CACNA1G: variants seen among roughly 807,000 people sequenced by gnomAD.
CACNA1G encodes voltage-dependent T-type calcium channel subunit alpha-1G.
A neutral mutation model predicts 219.4 loss-of-function variants in CACNA1G; 67 were observed. That is an observed-to-expected ratio of 0.31 (90% CI 0.25 to 0.37). The LOEUF is 0.37. Ranked by LOEUF, CACNA1G falls within the 10% of genes least tolerant of loss-of-function variation. CACNA1G has a pLI of 1.00. For missense variants in CACNA1G, 2,380 were observed against 3,231.4 expected, an observed-to-expected ratio of 0.74 and a Z score of 6.39; for synonymous variants, 1,296 against 1,345.3, an observed-to-expected ratio of 0.96 and a Z score of 0.80.
chr17:50,584,935 G>A (rs1315929185), intron 9 of CACNA1G, among the ~76,000 whole-genome samples: 4 of 152,118 alleles, frequency 2.6e-5, no homozygotes, highest in South Asian at 2.1e-4. Flanking sequence ...GTCAGCACAT[G>A]TTCGTGCCTC....
At position 50,599,475 on chromosome 17, in the gene CACNA1G, C is replaced by G; in HGVS notation, c.3306C>G (p.Ser1102Arg). The change falls in exon 17 of 38, where the codon AGC becomes AGG. Residue 1102 changes from serine to arginine, a missense_variant. By Grantham distance (110) the Ser-to-Arg change is moderately radical. Around this residue, in one of 17 missense-constraint regions of CACNA1G, gnomAD observed 418 missense variants for 434.3 expected, o/e 0.96. Coordinates refer to ENST00000359106, the MANE Select transcript of CACNA1G (RefSeq NM_018896.5). ...SPHSPWSAAS[S>R]WTSRRSSRNS... ...ACAGCCCCTGGAGCGCTGCAAGCAGCTGGACCAGCAGGCGCTCCAGCCGGA... is the reference window on the plus strand; with the variant it reads ...ACAGCCCCTGGAGCGCTGCAAGCAGGTGGACCAGCAGGCGCTCCAGCCGGA... 6.3e-7 allele frequency: 1 copy of G among 1,584,574 alleles called. No individual in the cohort carries two copies. The highest frequency in any genetic ancestry group is 8.6e-7 in the Non-Finnish European group (1 of 1,166,580).
Position 50,618,816 on chromosome 17 carries a change from G to GGAGGCCGAGCTA in CACNA1G, c.5595_5606dup (p.Ala1869_Glu1872dup). On this transcript the variant is annotated inframe_insertion, in exon 33 of 38. Coordinates refer to ENST00000359106, the MANE Select transcript of CACNA1G (RefSeq NM_018896.5). The surrounding 1 kb of genome is among the most constrained non-coding windows in gnomAD (Gnocchi z 5.3). ...AGGAGAGCAACAAGGAGGCCAAGGA[G>GGAGGCCGAGCTA]GAGGCCGAGCTAGAGGCTGAGCTGG... 1 of 1,613,954 alleles carries GGAGGCCGAGCTA rather than the reference G, an allele frequency of 6.2e-7. No homozygotes were observed. Among genetic ancestry groups the GGAGGCCGAGCTA allele is most frequent in the Non-Finnish European group, 8.5e-7 (1 of 1,179,890 alleles).
chr17:50,626,950 CAGGCAGAA>C lies in CACNA1G; in HGVS notation c.*200_*207del. The C allele has an allele frequency of 1.4e-6, 1 of 737,376 alleles. No individual in the cohort carries two copies. The highest frequency in any genetic ancestry group is 2.4e-6 in the Non-Finnish European group (1 of 417,370). 45.7% of individuals were successfully genotyped at this position (737,376 alleles called of 1,614,324 possible). ...GCAGCAGCCCCGGCAACTCTGGCTC[CAGGCAGAA>C]GGAGAGGCCCGGTGCAGCTGAGGTT... On this transcript the variant is annotated 3_prime_UTR_variant, in exon 38 of 38. Coordinates refer to ENST00000359106, the MANE Select transcript of CACNA1G (RefSeq NM_018896.5). The surrounding 1 kb of genome is among the most constrained non-coding windows in gnomAD (Gnocchi z 4.3).
chr17:50,613,980 C>T (rs915911918), intron 26 of CACNA1G, among the ~76,000 whole-genome samples: 1 of 152,226 alleles, frequency 6.6e-6, no homozygotes, highest in Non-Finnish European at 1.5e-5. Context: ...AAGATGGCCT[C>T]ATGCATGCCT....
In CACNA1G at chr17:50,618,983, C is replaced by G; in HGVS notation, c.5756C>G (p.Ser1919Cys). The change falls in exon 33 of 38, where the codon TCC becomes TGC. Residue 1919 changes from serine (S) to cysteine (C), a missense_variant. Transcript: ENST00000359106. This position sits in a 1 kb window ranked among gnomAD's most constrained non-coding sequence, Gnocchi z 5.3. ...CCAGCGGCCCACGCGAGATCAGCCT[C>G]CCACTTTTCCCTGGAGCACCCCACG... ...LHPAAHARSA[S>C]HFSLEHPTDR... 1 of 1,536,340 alleles carries G rather than the reference C, an allele frequency of 6.5e-7. No individual in the cohort carries two copies. The highest frequency in any genetic ancestry group is 8.8e-7 in the Non-Finnish European group (1 of 1,142,654).
At chr17:50,604,736 T>TG (rs1366650933) in intron 22 of CACNA1G, among the ~76,000 whole-genome samples, 2 of 152,198 alleles carry the variant, frequency 1.3e-5, no homozygotes, top group Non-Finnish European at 2.9e-5. Context: ...TGGGGGCTGC[T>TG]GGGGAAACTT....
intron 26 of CACNA1G, among the ~76,000 whole-genome samples, chr17:50,611,872 GC>G (rs2049284297): frequency 1.3e-5 from 2 of 152,156 alleles, no homozygotes; most frequent in South Asian, 4.1e-4. Context: ...CGTGACCCTT[GC>G]ACTGCACTCC....
In CACNA1G at chr17:50,572,857, G is replaced by A; in HGVS notation, c.1047+3G>A. ...ATGCCTGGATCGCCATCTTCCAGGT[G>A]GGGCAGCCTGGGCCCCGGGAGCTTC... On this transcript the variant is annotated splice_donor_region_variant and intron_variant, in intron 6 of 37. Transcript: ENST00000359106. The A allele has an allele frequency of 6.2e-7, 1 of 1,610,322 alleles. No homozygotes were observed. Among genetic ancestry groups the A allele is most frequent in the Non-Finnish European group, 8.5e-7 (1 of 1,177,802 alleles).
In CACNA1G at chr17:50,575,761, G is replaced by T; in HGVS notation, c.1359G>T (p.Gln453His). 6.4e-7 allele frequency: 1 copy of T among 1,562,416 alleles called. No homozygotes were observed. Among genetic ancestry groups the T allele is most frequent in the Non-Finnish European group, 8.7e-7 (1 of 1,153,628 alleles). Residue 453 changes from glutamine to histidine, a missense_variant, in exon 8 of 38, where the codon CAG (glutamine) becomes CAT (histidine). Around this residue, in one of 17 missense-constraint regions of CACNA1G, gnomAD observed 434 missense variants for 417.3 expected, o/e 1.04. Transcript: ENST00000359106. ...GTAAGGCAGCCCGCAGGCTGGCTCAGGTCTCTCGGGCAGCAGGTGTGCGGG... is the reference window on the plus strand; with the variant it reads ...GTAAGGCAGCCCGCAGGCTGGCTCATGTCTCTCGGGCAGCAGGTGTGCGGG... ...ILRKAARRLA[Q>H]VSRAAGVRVG...
At chr17:50,614,093 A>G (rs952302884) in intron 26 of CACNA1G, among the ~76,000 whole-genome samples, 4 of 152,144 alleles carry the variant, frequency 2.6e-5, no homozygotes, top group Non-Finnish European at 4.4e-5. Context: ...GCAGCCCACG[A>G]GGCTGGATGT....
chr17:50,615,158 A>AGC (rs2050204388), intron 26 of CACNA1G, among the ~76,000 whole-genome samples: 1 of 152,138 alleles, frequency 6.6e-6, no homozygotes, highest in Non-Finnish European at 1.5e-5. Flanking sequence ...CCTCAACTGC[A>AGC]GCCAGTACAA....
rs1191039685 is a variant in CACNA1G at position 50,578,381 on chromosome 17, G to C, written c.2118G>C (p.Arg706=). ...FTQDAQHSDL[R]DPHSRRQRSL... ...AGGATGCCCAGCACAGCGACCTCCGGGACCCCCACAGCCGGCGGCAACGGA... is the reference window on the plus strand; with the variant it reads ...AGGATGCCCAGCACAGCGACCTCCGCGACCCCCACAGCCGGCGGCAACGGA... The change falls in exon 9 of 38, where the codon CGG becomes CGC. Residue 706 remains arginine (R), a synonymous_variant. Coordinates refer to ENST00000359106, the MANE Select transcript of CACNA1G (RefSeq NM_018896.5). The surrounding 1 kb of genome is among the most constrained non-coding windows in gnomAD (Gnocchi z 4.5). 5 of 1,612,672 alleles carry C rather than the reference G, an allele frequency of 3.1e-6. No individual in the cohort carries two copies. The African/African-American group carries it at 6.7e-5, about 22-fold the overall frequency.
In CACNA1G at chr17:50,618,162, C is replaced by T; in HGVS notation, c.5305+36C>T. On this transcript the variant is annotated intron_variant, in intron 31 of 37. Transcript: ENST00000359106. This position sits in a 1 kb window ranked among gnomAD's most constrained non-coding sequence, Gnocchi z 5.3. ...GTAGGGGAGGGTGGAGGAGCCAGGG[C>T]TGGAGACCAGGGGGCTCCTGGACTA... is the stretch of plus-strand genomic sequence containing the variant. 6.2e-7 allele frequency: 1 copy of T among 1,613,046 alleles called. No individual in the cohort carries two copies. The highest frequency in any genetic ancestry group is 8.5e-7 in the Non-Finnish European group (1 of 1,179,242).
intron 1 of CACNA1G, among the ~76,000 whole-genome samples, chr17:50,564,274 C>A (rs1161897710): frequency 6.6e-6 from 1 of 151,690 alleles, no homozygotes; most frequent in Non-Finnish European, 1.5e-5. Context: ...GCTGGCCTTT[C>A]CAGTATGTGT....
chr17:50,574,210 C>A (rs1176389442), intron 7 of CACNA1G, among the ~76,000 whole-genome samples: 2 of 152,176 alleles, frequency 1.3e-5, no homozygotes, highest in South Asian at 2.1e-4. Context: ...CCCAGGCTAA[C>A]GACTCCACAT....
intron 9 of CACNA1G, among the ~76,000 whole-genome samples, chr17:50,583,131 C>A (rs890559875): frequency 6.6e-6 from 1 of 152,066 alleles, no homozygotes; most frequent in Non-Finnish European, 1.5e-5. Context: ...CTAAATGTGG[C>A]CTTTGAGGGC....
At position 50,578,546 on chromosome 17, in the gene CACNA1G, C is replaced by T. The variant is rs1259181585; in HGVS notation, c.2283C>T (p.Gly761=). Residue 761 remains glycine (G), a synonymous_variant, in exon 9 of 38, where the codon GGC becomes GGT. Transcript: ENST00000359106. This position sits in a 1 kb window ranked among gnomAD's most constrained non-coding sequence, Gnocchi z 4.5. ...TCCTGGTCAACACACTCAGCATGGG[C>T]ATCGAATACCACGAGCAGGTAGGAG... The part of the protein sequence containing the change: ...IAILVNTLSM[G]IEYHEQPEEL... The T allele has an allele frequency of 1.3e-6, 2 of 1,560,010 alleles. No homozygotes were observed. Among genetic ancestry groups the T allele is most frequent in the Middle Eastern group, 1.7e-4 (1 of 5,772 alleles).
chr17:50,575,763 T>G lies in CACNA1G; in HGVS notation c.1361T>G (p.Val454Gly), dbSNP rs754390716. 1 of 1,561,718 alleles carries G rather than the reference T, an allele frequency of 6.4e-7. No individual in the cohort carries two copies. The highest frequency in any genetic ancestry group is 1.2e-5 in the South Asian group (1 of 85,052). The change falls in exon 8 of 38, where the codon GTC (valine) becomes GGC (glycine). Residue 454 changes from valine (V) to glycine (G), a missense_variant. Val to Gly is a moderately radical substitution (Grantham distance 109). Transcript: ENST00000359106. The stretch of plus-strand genomic sequence containing the variant: ...AAGGCAGCCCGCAGGCTGGCTCAGG[T>G]CTCTCGGGCAGCAGGTGTGCGGGTT... ...LRKAARRLAQ[V>G]SRAAGVRVGL...
chr17:50,619,426 C>A (rs1292659484), intron 33 of CACNA1G, among the ~76,000 whole-genome samples: 1 of 152,132 alleles, frequency 6.6e-6, no homozygotes, highest in African/African-American at 2.4e-5. Context: ...CTCTCTCCCC[C>A]CGCCGTGGGC....
Sources: gnomAD v4.1 joint callset for allele counts (sites outside exome capture counted in the v4.1 genomes callset) on GRCh38, gnomAD v4.1.1 for gene constraint, gnomAD v4.1.1 regional missense constraint, Gnocchi (gnomAD v3.1) non-coding constraint, MANE v1.5 for transcripts, NCBI Gene and HGNC (gene_info 2026-07-23, HGNC 2026-07-21) for gene names.